PUM1: variants seen among roughly 807,000 people sequenced by gnomAD.
PUM1 encodes the protein pumilio RNA binding family member 1.
In PUM1, 13 loss-of-function variants were observed where a neutral mutation model predicts 131.8. The ratio of observed to expected loss-of-function variants is 0.10; its 90% CI spans 0.06 to 0.16. The LOEUF is 0.16. PUM1 is among the 10% of genes least tolerant of loss of function. PUM1 has a pLI of 1.00. For synonymous variants in PUM1, 509 were observed against 556.5 expected (o/e 0.91, Z 1.20); for missense variants, 961 against 1,512.4 (o/e 0.64, Z 6.05).
Position 30,986,776 on chromosome 1 carries a change from T to C in PUM1, c.1159-5371A>G, listed in dbSNP as rs548281421. ...AACTGATCAATTACTAGTCACTCTTTGTCAGTTACTATACACATGACACTT... is the reference window on the plus strand; with the variant it reads ...AACTGATCAATTACTAGTCACTCTTCGTCAGTTACTATACACATGACACTT... On this transcript the variant is annotated intron_variant, in intron 7 of 21. Transcript: ENST00000426105. Among the ~76,000 whole-genome samples the C allele has an allele frequency of 5.9e-5, 9 of 152,342 alleles. No individual in the cohort carries two copies. In the East Asian group the frequency reaches 1.3e-3, roughly 23 times the overall value.
chr1:30,977,443 T>A (rs1355511140), intron 9 of PUM1, among the ~76,000 whole-genome samples: 1 of 152,204 alleles, frequency 6.6e-6, no homozygotes, highest in Non-Finnish European at 1.5e-5. Context: ...AGGACTGCTA[T>A]TACCATTAAC....
chr1:30,966,273 C>T lies in PUM1; in HGVS notation c.1795G>A (p.Ala599Thr). Residue 599 changes from alanine to threonine, a missense_variant, in exon 13 of 22, where the codon GCA becomes ACA. Around this residue, in one of 4 missense-constraint regions of PUM1, gnomAD observed 654 missense variants for 923.9 expected, o/e 0.71. Coordinates refer to ENST00000426105, the MANE Select transcript of PUM1 (RefSeq NM_001020658.2). ...CCATTTGCTGAAGCTGCGGCTGCTG[C>T]AACAGCTATGAAGAAGAAAGCAAAC... ...ISSSAAQAAVAAAAASANGAA... is the reference protein window; with the variant it reads ...ISSSAAQAAVTAAAASANGAA... 6.3e-7 allele frequency: 1 copy of T among 1,593,732 alleles called. No individual in the cohort carries two copies. Among genetic ancestry groups the T allele is most frequent in the South Asian group, 1.1e-5 (1 of 88,528 alleles).
intron 5 of PUM1, among the ~76,000 whole-genome samples, chr1:31,003,704 C>A (rs1245122974): frequency 6.6e-6 from 1 of 152,092 alleles, no homozygotes; most frequent in Non-Finnish European, 1.5e-5. Context: ...TTGCGATGAG[C>A]CAAGATCATG....
intron 21 of PUM1, 137 bp downstream of exon 21, chr1:30,936,505 GA>G: frequency 1.1e-6 from 1 of 877,632 alleles, no homozygotes; most frequent in Non-Finnish European, 1.7e-6. Context: ...CCACATAAAA[GA>G]AAAACAGAAC....
At chr1:31,020,335 T>C (rs532167334) in intron 3 of PUM1, among the ~76,000 whole-genome samples, 50 of 152,260 alleles carry the variant, frequency 3.3e-4, no homozygotes, top group Non-Finnish European at 6.0e-4. Context: ...GTCTGTGCTA[T>C]TGTGAATAGT....
chr1:30,939,490 A>G (rs1289010959), intron 20 of PUM1, among the ~76,000 whole-genome samples: 1 of 152,232 alleles, frequency 6.6e-6, no homozygotes, highest in Non-Finnish European at 1.5e-5. Flanking sequence ...CAGCATGGAA[A>G]AGACTGGGAA....
chr1:30,985,478 C>T (rs1641515652), intron 7 of PUM1, among the ~76,000 whole-genome samples: 1 of 152,000 alleles, frequency 6.6e-6, no homozygotes. Flanking sequence ...TATGGAGAAA[C>T]CCCATCTCTA....
intron 14 of PUM1, among the ~76,000 whole-genome samples, chr1:30,959,446 A>G (rs1640313487): frequency 2.6e-5 from 4 of 152,344 alleles, no homozygotes; most frequent in Admixed American, 6.5e-5. Flanking sequence ...ATATCTGAAA[A>G]TCAATTAATG....
intron 2 of PUM1, among the ~76,000 whole-genome samples, chr1:31,049,215 A>C (rs1644046356): frequency 6.7e-6 from 1 of 150,086 alleles, no homozygotes. Context: ...AAAATAAAAA[A>C]CAAAAAACTA....
At chr1:31,001,179 G>A (rs906535730) in intron 5 of PUM1, among the ~76,000 whole-genome samples, 5 of 151,338 alleles carry the variant, frequency 3.3e-5, no homozygotes, top group South Asian at 4.2e-4. Flanking sequence ...GCAAGACTCC[G>A]TCTCAAAAAA....
At chr1:30,971,350 C>T (rs1490222961) in intron 10 of PUM1, among the ~76,000 whole-genome samples, 1 of 151,876 alleles carries the variant, frequency 6.6e-6, no homozygotes. Flanking sequence ...AACTGGCACC[C>T]AAAAAAAAGG....
chr1:30,942,648 C>G (rs1333243222), intron 18 of PUM1, among the ~76,000 whole-genome samples: 2 of 152,158 alleles, frequency 1.3e-5, no homozygotes, highest in African/African-American at 2.4e-5. Flanking sequence ...TGAGATTCTG[C>G]CCTTCCTAGC....
At chr1:30,979,365 T>C (rs921626048) in intron 9 of PUM1, among the ~76,000 whole-genome samples, 9 of 152,106 alleles carry the variant, frequency 5.9e-5, no homozygotes, top group Non-Finnish European at 1.3e-4. Flanking sequence ...GGCAGTCAAC[T>C]AGGAAGGGAA....
Position 30,941,267 on chromosome 1 carries a change from T to C in PUM1, c.3126A>G (p.Gln1042=), listed in dbSNP as rs149115256. The C allele has an allele frequency of 1.1e-5, 18 of 1,610,692 alleles. No homozygotes were observed. The highest frequency in any genetic ancestry group is 6.7e-5 in the African/African-American group (5 of 74,860). The change falls in exon 20 of 22, where the codon CAA becomes CAG. Residue 1042 remains glutamine, a synonymous_variant. Coordinates refer to ENST00000426105, the MANE Select transcript of PUM1 (RefSeq NM_001020658.2). The part of the protein sequence containing the change: ...HQHTEQLVQD[Q]YGNYVIQHVL... ...CATGTTGGATTACATAATTTCCATA[T>C]TGATCCTGTTTGAGAAACAGTAAGA...
chr1:30,996,555 T>A (rs1641986449), intron 5 of PUM1, among the ~76,000 whole-genome samples: 1 of 152,130 alleles, frequency 6.6e-6, no homozygotes, highest in South Asian at 2.1e-4. Context: ...CAGAAAAAGA[T>A]AATATAAAAA....
chr1:30,978,243 A>C (rs765617185), intron 9 of PUM1, among the ~76,000 whole-genome samples: 23 of 152,180 alleles, frequency 1.5e-4, no homozygotes, highest in Non-Finnish European at 1.9e-4. Context: ...AGCAAGACTC[A>C]GTCTCAAAAA....
At chr1:30,943,198 G>A (rs1200034170) in intron 18 of PUM1, among the ~76,000 whole-genome samples, 1 of 152,048 alleles carries the variant, frequency 6.6e-6, no homozygotes, top group East Asian at 1.9e-4. Context: ...TCAACATTAT[G>A]ATTCCCATGT....
chr1:30,944,686 G>GT (rs1639596784), intron 18 of PUM1, among the ~76,000 whole-genome samples: 2 of 152,146 alleles, frequency 1.3e-5, no homozygotes, highest in Non-Finnish European at 2.9e-5. Context: ...CATTAGTACC[G>GT]TAAATTACCT....
At chr1:31,058,623 G>A (rs1352854112) in intron 2 of PUM1, among the ~76,000 whole-genome samples, 1 of 143,730 alleles carries the variant, frequency 7.0e-6, no homozygotes, top group East Asian at 2.1e-4. Flanking sequence ...GATCGCGCCA[G>A]TGCACTCCAG....
Sources: gnomAD v4.1 joint callset for allele counts (sites outside exome capture counted in the v4.1 genomes callset) on GRCh38, gnomAD v4.1.1 for gene constraint, gnomAD v4.1.1 regional missense constraint, MANE v1.5 for transcripts, NCBI Gene and HGNC (gene_info 2026-07-23, HGNC 2026-07-21) for gene names.